Variants in CAMKMT observed in about 807,000 individuals in gnomAD.
CAMKMT encodes the protein calmodulin-lysine N-methyltransferase.
Under a neutral mutation model 48.0 loss-of-function variants are expected in CAMKMT, and 53 were observed. The observed-to-expected ratio is 1.10, with a 90% CI of 0.89 to 1.39. The LOEUF (loss-of-function observed/expected upper bound fraction) is 1.39. CAMKMT is among the 40% of genes most tolerant of loss of function. The pLI is 0.00. For missense variants in CAMKMT, 428 were observed against 402.7 expected, an observed-to-expected ratio of 1.06 and a Z score of -0.54; for synonymous variants, 165 against 152.3, an observed-to-expected ratio of 1.08 and a Z score of -0.61.
At chr2:44,599,478 T>C (rs1429695563) in intron 3 of CAMKMT, among the ~76,000 whole-genome samples, 1 of 152,144 alleles carries the variant, frequency 6.6e-6, no homozygotes, top group Non-Finnish European at 1.5e-5. Flanking sequence ...CAATATCGTT[T>C]TCCTTTAGAG....
chr2:44,462,733 A>G (rs1250846303), intron 3 of CAMKMT, among the ~76,000 whole-genome samples: 1 of 152,216 alleles, frequency 6.6e-6, no homozygotes, highest in East Asian at 1.9e-4. Context: ...GAGGAACATT[A>G]TATGAATGAA....
rs535630400 is a variant in CAMKMT, at chr2:44,523,864, G to A, written c.376+133559G>A. ...GTGATCTCGGCTCACTGCAACCTTT[G>A]CCTCCCCGGTTCAAGTGATTCTCCT... On this transcript the variant is annotated intron_variant, in intron 3 of 10. Transcript: ENST00000378494. Among the ~76,000 whole-genome samples the A allele has an allele frequency of 6.6e-5, 9 of 136,440 alleles. No homozygotes were observed. The South Asian group carries it at 2.1e-3, about 32-fold the overall frequency. 89.5% of individuals were successfully genotyped at this position (136,440 alleles called of 152,430 possible). A position where few individuals can be genotyped will look rare whatever the true frequency, so the allele number is the denominator to read the frequency against.
At chr2:44,602,955 T>C (rs940580843) in intron 3 of CAMKMT, among the ~76,000 whole-genome samples, 3 of 152,018 alleles carry the variant, frequency 2.0e-5, no homozygotes, top group Admixed American at 6.5e-5. Flanking sequence ...AAGTAAGTGG[T>C]AGTCATTAGT....
intron 3 of CAMKMT, among the ~76,000 whole-genome samples, chr2:44,693,671 G>T (rs1051573792): frequency 7.9e-5 from 12 of 152,182 alleles, no homozygotes; most frequent in African/African-American, 2.9e-4. Flanking sequence ...TTTCTGCACT[G>T]GGTTGACACA....
intron 8 of CAMKMT, among the ~76,000 whole-genome samples, chr2:44,748,475 A>G (rs936120959): frequency 2.0e-5 from 3 of 152,102 alleles, no homozygotes; most frequent in Non-Finnish European, 4.4e-5. Flanking sequence ...TAAATGCCGC[A>G]TGTCCCAACC....
chr2:44,630,073 G>T (rs1316860676), intron 3 of CAMKMT, among the ~76,000 whole-genome samples: 5 of 151,178 alleles, frequency 3.3e-5, no homozygotes, highest in Non-Finnish European at 5.9e-5. Context: ...ACAGAACAGA[G>T]CCCTCAGAAA....
chr2:44,525,311 A>G (rs1572714474), intron 3 of CAMKMT, among the ~76,000 whole-genome samples: 1 of 152,110 alleles, frequency 6.6e-6, no homozygotes, highest in Admixed American at 6.5e-5. Flanking sequence ...GCTGGAGTGC[A>G]GTGGTGTGAT....
intron 6 of CAMKMT, among the ~76,000 whole-genome samples, chr2:44,711,034 A>G (rs1268694155): frequency 3.3e-5 from 5 of 152,186 alleles, no homozygotes; most frequent in Non-Finnish European, 1.5e-5. Flanking sequence ...CCCCTGGTTT[A>G]ACATTATTTT....
intron 3 of CAMKMT, among the ~76,000 whole-genome samples, chr2:44,644,122 A>G (rs933765938): frequency 5.9e-5 from 9 of 152,212 alleles, no homozygotes; most frequent in African/African-American, 2.2e-4. Flanking sequence ...GCTCACAGAA[A>G]TCAAATTGTA....
At chr2:44,526,470 C>A (rs1038251370) in intron 3 of CAMKMT, among the ~76,000 whole-genome samples, 10 of 152,104 alleles carry the variant, frequency 6.6e-5, no homozygotes, top group African/African-American at 2.2e-4. Flanking sequence ...GCTGGAGGCC[C>A]AGAAAAGCTG....
chr2:44,642,983 A>G (rs752027907), intron 3 of CAMKMT, among the ~76,000 whole-genome samples: 1 of 152,152 alleles, frequency 6.6e-6, no homozygotes, highest in Non-Finnish European at 1.5e-5. Context: ...AGAACACCTA[A>G]TCCTCACTCT....
intron 3 of CAMKMT, among the ~76,000 whole-genome samples, chr2:44,665,496 A>T (rs1288839139): frequency 6.6e-6 from 1 of 152,222 alleles, no homozygotes; most frequent in Non-Finnish European, 1.5e-5. Flanking sequence ...GTTTCAGATT[A>T]AGGAGTTTGA....
At chr2:44,647,722 G>A (rs1359847522) in intron 3 of CAMKMT, among the ~76,000 whole-genome samples, 15 of 151,656 alleles carry the variant, frequency 9.9e-5, no homozygotes, top group Non-Finnish European at 1.6e-4. Flanking sequence ...TGGCTAACAC[G>A]GTGAAACCCC....
chr2:44,395,132 G>T, intron 3 of CAMKMT: 1 of 359,776 alleles, frequency 2.8e-6, no homozygotes, highest in Non-Finnish European at 5.5e-6. Context: ...TAGTTTTTCT[G>T]TTTCATTGTT....
intron 3 of CAMKMT, among the ~76,000 whole-genome samples, chr2:44,576,455 C>T (rs1382394532): frequency 6.6e-6 from 1 of 152,024 alleles, no homozygotes; most frequent in Non-Finnish European, 1.5e-5. Flanking sequence ...TGTTCAGTAG[C>T]CTCAATATAT....
chr2:44,368,683 G>C (rs1361440415), intron 1 of CAMKMT, among the ~76,000 whole-genome samples: 1 of 152,184 alleles, frequency 6.6e-6, no homozygotes, highest in African/African-American at 2.4e-5. Flanking sequence ...TGACATCAGA[G>C]TAATTTAGAC....
At chr2:44,551,391 T>A (rs1278297951) in intron 3 of CAMKMT, among the ~76,000 whole-genome samples, 1 of 152,198 alleles carries the variant, frequency 6.6e-6, no homozygotes, top group African/African-American at 2.4e-5. Flanking sequence ...CTAAAGGGAA[T>A]TGTGCGTGTT....
At position 44,663,410 on chromosome 2, in the gene CAMKMT, A is replaced by C. The variant is rs1200342870; in HGVS notation, c.377-40873A>C. 6.6e-5 allele frequency among the ~76,000 whole-genome samples: 10 copies of C among 152,368 alleles called. No homozygotes were observed. In the East Asian group the frequency reaches 1.5e-3, roughly 23 times the overall value. The stretch of plus-strand genomic sequence containing the variant: ...AAACATTCCACTACCATCTTCAAGC[A>C]AAACCAAAACAAATAAATCAGTCTG... On this transcript the variant is annotated intron_variant, in intron 3 of 10. Transcript: ENST00000378494.
chr2:44,529,614 C>G (rs1332293293), intron 3 of CAMKMT, among the ~76,000 whole-genome samples: 2 of 152,166 alleles, frequency 1.3e-5, no homozygotes, highest in Admixed American at 1.3e-4. Context: ...TGCAGCAGCC[C>G]TTCTGTACCT....
Sources: allele counts gnomAD v4.1 joint callset (sites outside exome capture counted in the v4.1 genomes callset), GRCh38; gene constraint gnomAD v4.1.1; transcripts MANE v1.5; gene names NCBI Gene and HGNC (gene_info 2026-07-23, HGNC 2026-07-21).